Variants in HIF3A observed in about 807,000 individuals in gnomAD.
The protein encoded by HIF3A is hypoxia inducible factor 3 subunit alpha.
A neutral mutation model predicts 67.2 loss-of-function variants in HIF3A; 41 were observed. That is an observed-to-expected ratio of 0.61 (90% CI 0.48 to 0.79). HIF3A has a LOEUF of 0.79. Among genes scored for constraint, HIF3A ranks in the 30% least tolerant of loss-of-function variants. The probability of loss-of-function intolerance (pLI) is 0.00; values close to 1 mark genes in which losing one functional copy is unlikely to be tolerated. For synonymous variants in HIF3A, 356 were observed against 374.8 expected (o/e 0.95, Z 0.58); for missense variants, 855 against 898.0 (o/e 0.95, Z 0.61).
chr19:46,303,288 C>G (rs1260632826), intron 1 of HIF3A, among the ~76,000 whole-genome samples: 3 of 152,204 alleles, frequency 2.0e-5, no homozygotes, highest in African/African-American at 7.2e-5. Context: ...GATTACAGGG[C>G]AGGGTGAGTG....
Position 46,303,975 on chromosome 19 carries a change from A to G in HIF3A, c.104A>G (p.Tyr35Cys). 1 of 1,603,892 alleles carries G rather than the reference A, an allele frequency of 6.2e-7. No homozygotes were observed. The highest frequency in any genetic ancestry group is 8.5e-7 in the Non-Finnish European group (1 of 1,175,906). The change falls in exon 2 of 15, where the codon TAC becomes TGC. Residue 35 changes from tyrosine to cysteine, a missense_variant. Tyr to Cys is a radical substitution (Grantham distance 194). Around this residue, in one of 3 missense-constraint regions of HIF3A, gnomAD observed 638 missense variants for 660.5 expected, o/e 0.97. Transcript: ENST00000377670. ...SRRSQETEVLYQLAHTLPFAR... is the reference protein window; with the variant it reads ...SRRSQETEVLCQLAHTLPFAR... ...CGCAGCCAGGAGACCGAGGTGCTGTACCAGCTGGCTCACACGCTGCCCTTC... is the reference window on the plus strand; with the variant it reads ...CGCAGCCAGGAGACCGAGGTGCTGTGCCAGCTGGCTCACACGCTGCCCTTC...
chr19:46,332,840 C>T (rs150094967), intron 13 of HIF3A, among the ~76,000 whole-genome samples: 1 of 151,884 alleles, frequency 6.6e-6, no homozygotes, highest in Non-Finnish European at 1.5e-5. Context: ...AAACGTTAGC[C>T]GGGTGTAGGT....
At chr19:46,333,312 G>A (rs1288596553) in intron 13 of HIF3A, among the ~76,000 whole-genome samples, 3 of 152,176 alleles carry the variant, frequency 2.0e-5, no homozygotes, top group Admixed American at 2.0e-4. Flanking sequence ...CATAGTGTAG[G>A]GAAATCAGCA....
At chr19:46,324,802 T>G (rs981829202) in intron 10 of HIF3A, among the ~76,000 whole-genome samples, 5 of 150,720 alleles carry the variant, frequency 3.3e-5, no homozygotes, top group South Asian at 2.1e-4. Flanking sequence ...TGCAGTGAGC[T>G]GAGACCACGC....
In HIF3A at chr19:46,312,087, T is replaced by TACTTCCCTCTGCC. The variant is rs750167276; in HGVS notation, c.771-74_771-73insACTTCCCTCTGCC. On this transcript the variant is annotated intron_variant, in intron 6 of 14. Coordinates refer to ENST00000377670, the MANE Select transcript of HIF3A (RefSeq NM_152795.4). ...CTGGCTTTGTTCCTGTGTCCTCTGC[T>TACTTCCCTCTGCC]GCTACTTCCCTCTGCCTACCCTCTC... 4 of 1,063,240 alleles carry TACTTCCCTCTGCC rather than the reference T, an allele frequency of 3.8e-6. No individual in the cohort carries two copies. In the African/African-American group the frequency reaches 6.2e-5, roughly 17 times the overall value. 65.9% of individuals were successfully genotyped at this position (1,063,240 alleles called of 1,614,324 possible). A position where few individuals can be genotyped will look rare whatever the true frequency, so the allele number is the denominator to read the frequency against.
chr19:46,304,480 G>A lies in HIF3A; in HGVS notation c.217+392G>A, dbSNP rs150027392. 1.2e-3 allele frequency among the ~76,000 whole-genome samples: 187 copies of A among 152,160 alleles called. 2 individuals carry two copies. The highest frequency in any genetic ancestry group is 5.4e-4 in the Non-Finnish European group (37 of 67,988). On this transcript the variant is annotated intron_variant, in intron 2 of 14. Coordinates refer to ENST00000377670, the MANE Select transcript of HIF3A (RefSeq NM_152795.4). ...AATATATCCACTGGGAGGCTGCGCC[G>A]CCCAACTTTTCGTTACTGTATCTGA...
chr19:46,329,160 A>C, intron 11 of HIF3A, 47 bp from the exon 12 acceptor site: 2 of 1,531,532 alleles, frequency 1.3e-6, no homozygotes, highest in Non-Finnish European at 1.8e-6. Context: ...GCCAAGGTCC[A>C]CCCAAGTCCA....
Position 46,309,278 on chromosome 19 carries a change from G to T in HIF3A, c.689G>T (p.Gly230Val). 1 of 1,613,650 alleles carries T rather than the reference G, an allele frequency of 6.2e-7. No homozygotes were observed. Among genetic ancestry groups the T allele is most frequent in the Non-Finnish European group, 8.5e-7 (1 of 1,179,870 alleles). Residue 230 changes from glycine to valine, a missense_variant, in exon 6 of 15, where the codon GGC (glycine) becomes GTC (valine). By Grantham distance (109) the Gly-to-Val change is moderately radical. Around this residue, in one of 3 missense-constraint regions of HIF3A, gnomAD observed 638 missense variants for 660.5 expected, o/e 0.97. Transcript: ENST00000377670. ...VLICEAIPHP[G>V]SLEPPLGRGA... ...ATCTGCGAAGCCATCCCCCACCCAG[G>T]CAGCCTGGAGCCCCCACTGGGCCGA...
chr19:46,338,980 C>T (rs1360449435), intron 14 of HIF3A, among the ~76,000 whole-genome samples: 1 of 152,130 alleles, frequency 6.6e-6, no homozygotes, highest in East Asian at 1.9e-4. Flanking sequence ...CTTCAAATAA[C>T]CCGATCAATC....
chr19:46,324,985 TTGTGTGTGTGTGTG>T (rs542186240), intron 10 of HIF3A, among the ~76,000 whole-genome samples: 20 of 127,916 alleles, frequency 1.6e-4, no homozygotes, highest in African/African-American at 3.8e-4. Context: ...CACACATATA[TTGTGTGTGTGTGTG>T]TGTGTGTGTG....
intron 6 of HIF3A, among the ~76,000 whole-genome samples, chr19:46,309,982 T>G (rs1969287227): frequency 6.6e-6 from 1 of 152,042 alleles, no homozygotes; most frequent in African/African-American, 2.4e-5. Context: ...CCCAGCACTT[T>G]GGGAGGCCAA....
intron 3 of HIF3A, among the ~76,000 whole-genome samples, chr19:46,307,285 G>A (rs1332530474): frequency 1.3e-5 from 2 of 152,162 alleles, no homozygotes; most frequent in Non-Finnish European, 2.9e-5. Flanking sequence ...GCAGGGATTT[G>A]TGTGTGCAGT....
In HIF3A at chr19:46,304,007, G is replaced by A. The variant is rs771902082; in HGVS notation, c.136G>A (p.Gly46Ser). ...QLAHTLPFARGVSAHLDKASI... is the reference protein window; with the variant it reads ...QLAHTLPFARSVSAHLDKASI... ...GGCTCACACGCTGCCCTTCGCCCGC[G>A]GCGTCAGCGCCCACCTGGACAAGGC... The change falls in exon 2 of 15, where the codon GGC becomes AGC. Residue 46 changes from glycine to serine, a missense_variant. Physicochemically the swap from Gly to Ser is moderately conservative, Grantham distance 56 (BLOSUM62 0). This residue lies in a region of HIF3A where 638 missense variants were observed against 660.5 expected (regional missense o/e 0.97). Transcript: ENST00000377670. 5 of 1,594,750 alleles carry A rather than the reference G, an allele frequency of 3.1e-6. No homozygotes were observed. The highest frequency in any genetic ancestry group is 1.7e-4 in the Middle Eastern group (1 of 6,046).
In HIF3A at chr19:46,298,369, C is replaced by G. The variant is rs972583604; in HGVS notation, c.26+1267C>G. The G allele has an allele frequency of 1.6e-5, 20 of 1,271,466 alleles. No homozygotes were observed. The Admixed American group carries it at 2.1e-4, about 13-fold the overall frequency. 78.8% of individuals were successfully genotyped at this position (1,271,466 alleles called of 1,614,324 possible). A position where few individuals can be genotyped will look rare whatever the true frequency, so the allele number is the denominator to read the frequency against. Reference sequence around the variant, plus strand: ...CTCTTGGCTGAGCTCGGGTGCCCCCCCTCCCCACCCAAGGCCGGCCCTTTC... The same window carrying G: ...CTCTTGGCTGAGCTCGGGTGCCCCCGCTCCCCACCCAAGGCCGGCCCTTTC... On this transcript the variant is annotated intron_variant, in intron 1 of 14. Transcript: ENST00000377670.
intron 12 of HIF3A, 39 bp downstream of exon 12, chr19:46,329,517 C>T: frequency 5.5e-6 from 8 of 1,466,686 alleles, no homozygotes; most frequent in Non-Finnish European, 7.2e-6. Context: ...GGCAGCATCC[C>T]CTCACCCCGT....
At position 46,303,857 on chromosome 19, in the gene HIF3A, T is replaced by C. The variant is rs1264450922; in HGVS notation, c.27-41T>C. 5.1e-5 allele frequency: 81 copies of C among 1,585,168 alleles called. No homozygotes were observed. In the Admixed American group the frequency reaches 1.4e-3, roughly 27 times the overall value. ...GTGCTCGTCCCGTCCTCCTTTTCTC[T>C]TTCCCGAGTCACCACCAGTGAATGC... On this transcript the variant is annotated intron_variant, in intron 1 of 14. Transcript: ENST00000377670.
At chr19:46,303,546 C>T in intron 1 of HIF3A, 2 of 1,419,456 alleles carry the variant, frequency 1.4e-6, no homozygotes, top group Non-Finnish European at 1.9e-6. Flanking sequence ...AGCCCCCTCC[C>T]AGCAGGGGCC....
chr19:46,297,896 G>C lies in HIF3A; in HGVS notation c.26+794G>C, dbSNP rs570909492. On this transcript the variant is annotated intron_variant, in intron 1 of 14. Coordinates refer to ENST00000377670, the MANE Select transcript of HIF3A (RefSeq NM_152795.4). This position sits in a 1 kb window ranked among gnomAD's most constrained non-coding sequence, Gnocchi z 4.5. ...TATTTTGGGGAGACTCCATGGCAGG[G>C]TGCTGTGAGCCTGCAGGCTGTGATG... Among the ~76,000 whole-genome samples the C allele has an allele frequency of 1.3e-5, 2 of 152,026 alleles. No homozygotes were observed. The highest frequency in any genetic ancestry group is 2.4e-5 in the African/African-American group (1 of 41,398).
chr19:46,323,586 C>CAT (rs561551936), intron 10 of HIF3A, among the ~76,000 whole-genome samples: 35 of 151,870 alleles, frequency 2.3e-4, no homozygotes, highest in South Asian at 6.3e-4. Context: ...TGCACAAAAT[C>CAT]ATATATATAT....
Sources: gnomAD v4.1 joint callset for allele counts (sites outside exome capture counted in the v4.1 genomes callset) on GRCh38, gnomAD v4.1.1 for gene constraint, gnomAD v4.1.1 regional missense constraint, Gnocchi (gnomAD v3.1) non-coding constraint, MANE v1.5 for transcripts, NCBI Gene and HGNC (gene_info 2026-07-23, HGNC 2026-07-21) for gene names.